The following TYW1B variants were observed in gnomAD, a reference collection of about 807,000 sequenced individuals.
TYW1B encodes the protein tRNA-yW synthesizing protein 1 homolog B.
In TYW1B, 73 loss-of-function variants were observed where a neutral mutation model predicts 86.9. The ratio of observed to expected loss-of-function variants is 0.84; its 90% CI spans 0.70 to 1.02. The LOEUF (loss-of-function observed/expected upper bound fraction) is 1.02. TYW1B is among the 50% of genes least tolerant of loss of function. The pLI is 0.00. For missense variants in TYW1B, 637 were observed against 827.4 expected, an observed-to-expected ratio of 0.77 and a Z score of 2.82; for synonymous variants, 248 against 292.8, an observed-to-expected ratio of 0.85 and a Z score of 1.56.
intron 13 of TYW1B, among the ~76,000 whole-genome samples, chr7:72,585,200 C>T (rs552053596): frequency 1.3e-5 from 2 of 152,294 alleles, no homozygotes; most frequent in South Asian, 4.1e-4. Flanking sequence ...AGCTGGCCCC[C>T]AGCCACTGTC....
intron 8 of TYW1B, among the ~76,000 whole-genome samples, chr7:72,730,814 G>A (rs1390524317): frequency 6.6e-6 from 1 of 150,606 alleles, no homozygotes; most frequent in African/African-American, 2.4e-5. Flanking sequence ...GGTGGGAAAA[G>A]ACATGGAAAA....
chr7:72,634,087 C>T (rs2960940), intron 11 of TYW1B, among the ~76,000 whole-genome samples: 12 of 152,184 alleles, frequency 7.9e-5, no homozygotes, highest in African/African-American at 2.6e-4. Context: ...ACACTACTAG[C>T]GAACGATTTT....
rs577928158 is a variant in TYW1B, at chr7:72,641,840, T to C, written c.1507-12843A>G. On this transcript the variant is annotated intron_variant, in intron 11 of 13. Coordinates refer to ENST00000620995, the MANE Select transcript of TYW1B (RefSeq NM_001145440.3). The stretch of plus-strand genomic sequence containing the variant: ...ACCTCAATAAAAAATTTTAAATCCC[T>C]GTTAAAGTTCCAGCTGCCTGTTTTG... 3.9e-3 allele frequency among the ~76,000 whole-genome samples: 601 copies of C among 152,340 alleles called. 4 individuals are homozygous for C. Among genetic ancestry groups the C allele is most frequent in the Non-Finnish European group, 4.1e-3 (282 of 68,034 alleles).
chr7:72,753,986 A>C (rs1476975034), intron 7 of TYW1B, among the ~76,000 whole-genome samples: 4 of 152,130 alleles, frequency 2.6e-5, no homozygotes, highest in Admixed American at 2.0e-4. Context: ...ACGAAACCTG[A>C]AATATCTCCA....
At chr7:72,659,849 A>G (rs1483088971) in intron 11 of TYW1B, among the ~76,000 whole-genome samples, 1 of 152,238 alleles carries the variant, frequency 6.6e-6, no homozygotes. Flanking sequence ...TGCATTCAGG[A>G]GGATGAACGA....
At chr7:72,808,305 G>A (rs1238064120) in intron 4 of TYW1B, among the ~76,000 whole-genome samples, 1 of 151,880 alleles carries the variant, frequency 6.6e-6, no homozygotes, top group Non-Finnish European at 1.5e-5. Context: ...ACAAAAACTA[G>A]CTGGATGTGT....
intron 7 of TYW1B, among the ~76,000 whole-genome samples, chr7:72,758,878 A>C (rs1563084372): frequency 1.3e-5 from 2 of 152,166 alleles, no homozygotes. Context: ...TGCCTCATTT[A>C]ATATCTCATT....
chr7:72,654,153 AT>A (rs1383276859), intron 11 of TYW1B, among the ~76,000 whole-genome samples: 3 of 152,122 alleles, frequency 2.0e-5, no homozygotes, highest in Non-Finnish European at 4.4e-5. Context: ...ATAATAAAGA[AT>A]ATCTACAGAA....
intron 10 of TYW1B, among the ~76,000 whole-genome samples, chr7:72,712,661 A>G (rs543551424): frequency 6.6e-6 from 1 of 152,052 alleles, no homozygotes. Flanking sequence ...CCTCATTCAC[A>G]TTGACTTGCT....
At chr7:72,633,921 G>T (rs879952753) in intron 11 of TYW1B, among the ~76,000 whole-genome samples, 64 of 150,764 alleles carry the variant, frequency 4.2e-4, no homozygotes, top group Middle Eastern at 3.2e-3. Context: ...AATGCTACTG[G>T]GACATACATT....
At chr7:72,779,191 T>C (rs1272083047) in intron 6 of TYW1B, among the ~76,000 whole-genome samples, 3 of 152,216 alleles carry the variant, frequency 2.0e-5, no homozygotes, top group Non-Finnish European at 4.4e-5. Context: ...GGTGAATAAG[T>C]GAATGGACTC....
At chr7:72,632,375 A>ATT (rs1213524395) in intron 11 of TYW1B, among the ~76,000 whole-genome samples, 1 of 118,072 alleles carries the variant, frequency 8.5e-6, no homozygotes, top group Admixed American at 1.0e-4. Context: ...ACGCATATAT[A>ATT]TTATATATAT....
chr7:72,632,562 A>G (rs1165572205), intron 11 of TYW1B, among the ~76,000 whole-genome samples: 1 of 140,724 alleles, frequency 7.1e-6, no homozygotes, highest in African/African-American at 2.7e-5. Context: ...TGAGTAAAAT[A>G]AACTTTTCTA....
chr7:72,735,953 A>T (rs7806991), intron 8 of TYW1B, among the ~76,000 whole-genome samples: 4 of 151,870 alleles, frequency 2.6e-5, no homozygotes, highest in Non-Finnish European at 4.4e-5. Context: ...ACAGAGTTGC[A>T]CATTGTTAGA....
chr7:72,694,971 T>G (rs1321170191), intron 10 of TYW1B, 149 bp from the exon 11 acceptor site: 1 of 848,250 alleles, frequency 1.2e-6, no homozygotes, highest in Non-Finnish European at 1.6e-6. Context: ...CTAATGATTT[T>G]AATCATGTGA....
intron 11 of TYW1B, among the ~76,000 whole-genome samples, chr7:72,647,769 C>T (rs1251596510): frequency 2.6e-5 from 4 of 152,036 alleles, no homozygotes; most frequent in Non-Finnish European, 1.5e-5. Context: ...ACTGCAGCCT[C>T]GACTTCCCAG....
At position 72,616,752 on chromosome 7, in the gene TYW1B, C is replaced by G. The variant is rs782616380; in HGVS notation, c.1705G>C (p.Glu569Gln). Residue 569 changes from glutamate (E) to glutamine (Q), a missense_variant, in exon 13 of 14, where the codon GAG (glutamate) becomes CAG (glutamine). Physicochemically the swap from Glu to Gln is conservative, Grantham distance 29. Coordinates refer to ENST00000620995, the MANE Select transcript of TYW1B (RefSeq NM_001145440.3). ...TATTCGGGGATCAGATCCACCAGCT[C>G]GCGGACAAACTGTACCACTTCCTCA... Reference protein sequence around the residue: ...WHEEVVQFVRELVDLIPEYEI... With the variant: ...WHEEVVQFVRQLVDLIPEYEI... 33 of 1,614,094 alleles carry G rather than the reference C, an allele frequency of 2.0e-5. No homozygotes were observed. The South Asian group carries it at 3.5e-4, about 17-fold the overall frequency.
rs540660000 is a variant in TYW1B, at chr7:72,812,232, C to A, written c.238-1567G>T. 8.6e-5 allele frequency among the ~76,000 whole-genome samples: 13 copies of A among 151,542 alleles called. 1 individual carries two copies. The South Asian group carries it at 1.5e-3, about 17-fold the overall frequency. Reference sequence around the variant, plus strand: ...ATTCCTTTGTTTCATATACACCTTACACACATAGCCTGTAGATAACTTTAT... The same window carrying A: ...ATTCCTTTGTTTCATATACACCTTAAACACATAGCCTGTAGATAACTTTAT... On this transcript the variant is annotated intron_variant, in intron 3 of 13. Transcript: ENST00000620995.
chr7:72,815,601 T>A, intron 2 of TYW1B, 120 bp from the exon 3 acceptor site: 3 of 816,424 alleles, frequency 3.7e-6, no homozygotes, highest in Non-Finnish European at 5.9e-6. Flanking sequence ...GTGACTGATA[T>A]GAACCCAAAT....
Sources: gnomAD v4.1 joint callset for allele counts (sites outside exome capture counted in the v4.1 genomes callset) on GRCh38, gnomAD v4.1.1 for gene constraint, MANE v1.5 for transcripts, NCBI Gene and HGNC (gene_info 2026-07-23, HGNC 2026-07-21) for gene names.